PTPRK: variants seen among roughly 807,000 people sequenced by gnomAD.
The protein encoded by PTPRK is receptor-type tyrosine-protein phosphatase kappa.
PTPRK carries 75 observed loss-of-function variants against 178.0 expected under a neutral mutation model. The ratio of observed to expected loss-of-function variants is 0.42; its 90% CI spans 0.35 to 0.51. PTPRK has a LOEUF of 0.51. Ranked by LOEUF, PTPRK falls within the 20% of genes least tolerant of loss-of-function variation. The pLI, the probability that PTPRK is intolerant of heterozygous loss-of-function variation, is 0.02. For synonymous variants in PTPRK, 637 were observed against 620.6 expected, an observed-to-expected ratio of 1.03 and a Z score of -0.39; for missense variants, 1,441 against 1,797.8, an observed-to-expected ratio of 0.80 and a Z score of 3.59.
intron 7 of PTPRK, among the ~76,000 whole-genome samples, chr6:128,126,834 A>G (rs1793458203): frequency 1.3e-5 from 2 of 152,224 alleles, no homozygotes; most frequent in Non-Finnish European, 2.9e-5. Flanking sequence ...TGATTGCTGG[A>G]TAGTATCTTA....
chr6:128,245,873 AC>A (rs2128286291), intron 3 of PTPRK, among the ~76,000 whole-genome samples: 1 of 152,338 alleles, frequency 6.6e-6, no homozygotes, highest in East Asian at 1.9e-4. Context: ...GGTGAAAAAA[AC>A]CCTGTATTAT....
chr6:128,437,285 A>T (rs1405562488), intron 1 of PTPRK, among the ~76,000 whole-genome samples: 2 of 152,238 alleles, frequency 1.3e-5, no homozygotes, highest in Admixed American at 1.3e-4. Flanking sequence ...CAATATTAAT[A>T]GCCTGCCACA....
chr6:128,386,161 AT>A (rs1000505731), intron 2 of PTPRK, among the ~76,000 whole-genome samples: 3 of 152,114 alleles, frequency 2.0e-5, no homozygotes, highest in South Asian at 2.1e-4. Context: ...TCAGTAATAG[AT>A]TTTTTTTCTA....
chr6:128,165,276 A>C (rs1042607012), intron 7 of PTPRK, among the ~76,000 whole-genome samples: 3 of 151,434 alleles, frequency 2.0e-5, no homozygotes, highest in African/African-American at 7.2e-5. Flanking sequence ...TTTATTAGGA[A>C]GTAATACATA....
intron 6 of PTPRK, among the ~76,000 whole-genome samples, chr6:128,186,773 G>A (rs1035756365): frequency 3.9e-5 from 6 of 152,072 alleles, no homozygotes; most frequent in African/African-American, 1.4e-4. Flanking sequence ...TGTAGAGAGG[G>A]AGAAAGTTGA....
At chr6:128,489,860 C>G (rs1353745534) in intron 1 of PTPRK, among the ~76,000 whole-genome samples, 3 of 152,076 alleles carry the variant, frequency 2.0e-5, no homozygotes, top group African/African-American at 7.2e-5. Context: ...CAGTATAATC[C>G]ATTCTGCATC....
chr6:128,005,055 A>G (rs369251992), intron 15 of PTPRK, 29 bp downstream of exon 15: 74 of 1,574,730 alleles, frequency 4.7e-5, no homozygotes, highest in Non-Finnish European at 6.4e-5. Context: ...TTGTAACATC[A>G]TTTATTAAAA....
At chr6:128,309,220 A>G (rs1462672027) in intron 3 of PTPRK, among the ~76,000 whole-genome samples, 1 of 152,196 alleles carries the variant, frequency 6.6e-6, no homozygotes, top group Non-Finnish European at 1.5e-5. Flanking sequence ...CAACTAAAAG[A>G]CATGGTACAG....
intron 2 of PTPRK, among the ~76,000 whole-genome samples, chr6:128,384,343 T>C (rs950686515): frequency 9.2e-5 from 14 of 152,224 alleles, no homozygotes; most frequent in Admixed American, 5.2e-4. Flanking sequence ...TATAACTTAA[T>C]AGAGATATCT....
rs537028511 is a variant in PTPRK, at chr6:128,463,572, TAAGTAGTTTTATATAAAAC to T, written c.100+56668_100+56686del. ...GCTCTATAACATTGATATTTTATCTTAAGTAGTTTTATATAAAACAAGTTTATACTTTAAAGATATGCAC... is the reference window on the plus strand; with the variant it reads ...GCTCTATAACATTGATATTTTATCTTAAGTTTATACTTTAAAGATATGCAC... On this transcript the variant is annotated intron_variant, in intron 1 of 29. Transcript: ENST00000368226. Among the ~76,000 whole-genome samples the T allele has an allele frequency of 1.6e-3, 250 of 152,252 alleles. 1 individual carries two copies. The highest frequency in any genetic ancestry group is 5.4e-3 in the South Asian group (26 of 4,824).
At chr6:128,494,102 T>C (rs1854307080) in intron 1 of PTPRK, among the ~76,000 whole-genome samples, 1 of 150,858 alleles carries the variant, frequency 6.6e-6, no homozygotes. Flanking sequence ...GGCAGGAGGA[T>C]GGCTTGAGCC....
chr6:128,071,295 C>T (rs1030047185), intron 11 of PTPRK, among the ~76,000 whole-genome samples: 1 of 151,998 alleles, frequency 6.6e-6, no homozygotes, highest in African/African-American at 2.4e-5. Context: ...GAACCTGTGA[C>T]TGTCCATGGT....
chr6:128,391,660 A>C (rs533947568), intron 2 of PTPRK, among the ~76,000 whole-genome samples: 21 of 152,126 alleles, frequency 1.4e-4, no homozygotes, highest in Non-Finnish European at 2.9e-4. Context: ...AATATTAGTC[A>C]AAGTGATCCA....
intron 13 of PTPRK, among the ~76,000 whole-genome samples, chr6:128,031,859 C>T (rs1219596899): frequency 1.3e-5 from 2 of 152,182 alleles, no homozygotes; most frequent in Non-Finnish European, 2.9e-5. Context: ...AAGAAAAACA[C>T]TGGAACGGTC....
At chr6:128,127,386 C>G (rs987633209) in intron 7 of PTPRK, among the ~76,000 whole-genome samples, 1 of 152,208 alleles carries the variant, frequency 6.6e-6, no homozygotes, top group African/African-American at 2.4e-5. Flanking sequence ...TTAGGAAGAA[C>G]TGACATCTTA....
rs192973894 is a variant in PTPRK at position 128,493,527 on chromosome 6, G to A, written c.100+26732C>T. Among the ~76,000 whole-genome samples the A allele has an allele frequency of 4.0e-3, 597 of 149,476 alleles. 5 individuals carry two copies. Among genetic ancestry groups the A allele is most frequent in the African/African-American group, 0.013 (532 of 40,598 alleles). Reference sequence around the variant, plus strand: ...CAGTGAGCCGAGATCGTGCCACTGCGCTCCAGCTGGGTGAAAGAGCGAGAC... The same window carrying A: ...CAGTGAGCCGAGATCGTGCCACTGCACTCCAGCTGGGTGAAAGAGCGAGAC... On this transcript the variant is annotated intron_variant, in intron 1 of 29. Coordinates refer to ENST00000368226, the MANE Select transcript of PTPRK (RefSeq NM_002844.4).
rs1786632316 is a variant in PTPRK at position 128,089,937 on chromosome 6, A to G, written c.1218T>C (p.Ile406=). The change falls in exon 8 of 30, where the codon ATT becomes ATC. Residue 406 remains isoleucine (I), a synonymous_variant. Transcript: ENST00000368226. ...LKIAEIQARR[I]AVDWESLGYN... ...AACCCAAGGATTCCCAGTCCACAGCAATCCGTCTTGCCTGTATTTCAGCAA... is the reference window on the plus strand; with the variant it reads ...AACCCAAGGATTCCCAGTCCACAGCGATCCGTCTTGCCTGTATTTCAGCAA... The G allele has an allele frequency of 6.2e-7, 1 of 1,612,308 alleles. No individual in the cohort carries two copies.
intron 7 of PTPRK, among the ~76,000 whole-genome samples, chr6:128,108,736 CA>C (rs1790138531): frequency 6.6e-6 from 1 of 152,020 alleles, no homozygotes; most frequent in Non-Finnish European, 1.5e-5. Context: ...GGGTGGTTTC[CA>C]GAGCAGAAAT....
intron 13 of PTPRK, among the ~76,000 whole-genome samples, chr6:128,012,516 A>AT (rs577135378): frequency 1.3e-4 from 19 of 150,900 alleles, no homozygotes; most frequent in African/African-American, 2.2e-4. Context: ...AATCTTTACC[A>AT]TTTTTTTTAT....
Sources: gnomAD v4.1 joint callset for allele counts (sites outside exome capture counted in the v4.1 genomes callset) on GRCh38, gnomAD v4.1.1 for gene constraint, MANE v1.5 for transcripts, NCBI Gene and HGNC (gene_info 2026-07-23, HGNC 2026-07-21) for gene names.